The following ANKRD60 variants were observed in gnomAD, a reference collection of about 807,000 sequenced individuals.
ANKRD60 encodes ankyrin repeat domain-containing protein 60.
Under a neutral mutation model 21.3 loss-of-function variants are expected in ANKRD60, and 24 were observed. That is an observed-to-expected ratio of 1.13 (90% CI 0.82 to 1.59). The LOEUF is 1.59. Among genes scored for constraint, ANKRD60 ranks in the 40% most tolerant of loss-of-function variants. The pLI is 0.00. For synonymous variants in ANKRD60, 182 were observed against 199.4 expected, an observed-to-expected ratio of 0.91 and a Z score of 0.74; for missense variants, 490 against 466.7, an observed-to-expected ratio of 1.05 and a Z score of -0.46.
Position 58,228,357 on chromosome 20 carries a change from C to T in ANKRD60, c.297G>A (p.Arg99=), listed in dbSNP as rs1328522920. 8 of 1,550,472 alleles carry T rather than the reference C, an allele frequency of 5.2e-6. No homozygotes were observed. Among genetic ancestry groups the T allele is most frequent in the Non-Finnish European group, 6.1e-6 (7 of 1,146,940 alleles). Residue 99 remains arginine (R), a synonymous_variant, in exon 1 of 4, where the codon CGG becomes CGA. Coordinates refer to ENST00000457363, the Ensembl canonical transcript of ANKRD60. This position sits in a 1 kb window ranked among gnomAD's most constrained non-coding sequence, Gnocchi z 5.3. ...GGAACATCTCCCCCGTCTCCTCCAG[C>T]CGCACCCGCAGGACGAAGACGTCAG...
chr20:58,218,838 C>T, intron 3 of ANKRD60, 33 bp from the exon 4 acceptor site: 2 of 1,502,768 alleles, frequency 1.3e-6, no homozygotes, highest in South Asian at 1.3e-5. Context: ...AGAAGGAAGA[C>T]ATGCGGAGGG....
intron 3 of ANKRD60, among the ~76,000 whole-genome samples, 182 bp downstream of exon 3, chr20:58,221,156 C>T (rs1038117382): frequency 3.9e-5 from 6 of 152,118 alleles, no homozygotes; most frequent in African/African-American, 9.7e-5. Flanking sequence ...CTCTGACTGG[C>T]GTGCCCTAAG....
At chr20:58,220,191 T>C (rs1984217631) in intron 3 of ANKRD60, among the ~76,000 whole-genome samples, 1 of 152,210 alleles carries the variant, frequency 6.6e-6, no homozygotes, top group East Asian at 1.9e-4. Context: ...AGGCCCCTCC[T>C]GAGCCCAAAC....
At chr20:58,217,718 G>A (rs982148846), downstream of ANKRD60, among the ~76,000 whole-genome samples, 12 of 152,120 alleles carry the variant, frequency 7.9e-5, no homozygotes, top group Non-Finnish European at 1.5e-4. Context: ...GACACTCCAA[G>A]GTGGTTTGCT....
exon 4 of ANKRD60, chr20:58,218,777 C>T: frequency 6.5e-7 from 1 of 1,543,916 alleles, no homozygotes; most frequent in Non-Finnish European, 8.8e-7. Context: ...GTGTCCTGCC[C>T]AGGGGGGATC....
At chr20:58,217,198 A>AT (rs1984154059), downstream of ANKRD60, among the ~76,000 whole-genome samples, 1 of 152,144 alleles carries the variant, frequency 6.6e-6, no homozygotes, top group Non-Finnish European at 1.5e-5. Context: ...TGGGAGGCCG[A>AT]GGGGGGCAGA....
At chr20:58,224,508 C>T (rs1662551176) in intron 1 of ANKRD60, among the ~76,000 whole-genome samples, 1 of 152,194 alleles carries the variant, frequency 6.6e-6, no homozygotes, top group African/African-American at 2.4e-5. Flanking sequence ...GAACAGCCAC[C>T]CCAGTGCTGG....
chr20:58,221,377 T>C (rs1464028868), exon 3 of ANKRD60: 14 of 1,551,926 alleles, frequency 9.0e-6, no homozygotes, highest in African/African-American at 2.7e-5. Flanking sequence ...AAGTGGCCTC[T>C]GTGTGAGGCC....
At chr20:58,218,464 A>G (rs1327233942), downstream of ANKRD60, 2 of 1,530,680 alleles carry the variant, frequency 1.3e-6, no homozygotes, top group Admixed American at 2.0e-5. Flanking sequence ...TGCCCAAACC[A>G]GCCTCAGCGG....
chr20:58,224,370 A>C (rs1984325261), intron 1 of ANKRD60, among the ~76,000 whole-genome samples: 1 of 152,214 alleles, frequency 6.6e-6, no homozygotes, highest in Non-Finnish European at 1.5e-5. Context: ...GTGCTTATGT[A>C]CTAGGTACTT....
At chr20:58,218,255 A>C (rs1268871211), downstream of ANKRD60, among the ~76,000 whole-genome samples, 1 of 152,254 alleles carries the variant, frequency 6.6e-6, no homozygotes, top group African/African-American at 2.4e-5. Context: ...CAAATAGCTT[A>C]AAATTAAAGG....
intron 2 of ANKRD60, among the ~76,000 whole-genome samples, chr20:58,222,375 C>T (rs1262364192): frequency 4.6e-5 from 7 of 152,194 alleles, no homozygotes; most frequent in Non-Finnish European, 8.8e-5. Flanking sequence ...CAATCCCAGC[C>T]CCTGCTACAC....
At chr20:58,217,198 A>AG (rs559396035), downstream of ANKRD60, among the ~76,000 whole-genome samples, 660 of 152,260 alleles carry the variant, frequency 4.3e-3, 6 homozygotes, top group African/African-American at 0.014. Context: ...TGGGAGGCCG[A>AG]GGGGGGCAGA....
At chr20:58,217,032 T>C (rs984981221), downstream of ANKRD60, among the ~76,000 whole-genome samples, 3 of 152,044 alleles carry the variant, frequency 2.0e-5, no homozygotes, top group Non-Finnish European at 4.4e-5. Flanking sequence ...ATGAAATGAA[T>C]TAGAGTTTGA....
downstream of ANKRD60, among the ~76,000 whole-genome samples, chr20:58,216,711 ACAG>A (rs1250752402): frequency 6.6e-6 from 1 of 152,230 alleles, no homozygotes; most frequent in African/African-American, 2.4e-5. Flanking sequence ...ACTTGCTATG[ACAG>A]CAGGAAATGC....
intron 3 of ANKRD60, among the ~76,000 whole-genome samples, chr20:58,220,398 G>A (rs947448009): frequency 6.6e-6 from 1 of 152,064 alleles, no homozygotes; most frequent in Non-Finnish European, 1.5e-5. Context: ...ATCCAGGGAG[G>A]ATAGAGTGTA....
chr20:58,216,511 C>A (rs913364728), downstream of ANKRD60, among the ~76,000 whole-genome samples: 1 of 152,216 alleles, frequency 6.6e-6, no homozygotes, highest in Non-Finnish European at 1.5e-5. Flanking sequence ...AAATGGATTG[C>A]CCCATTGGGT....
intron 3 of ANKRD60, among the ~76,000 whole-genome samples, chr20:58,220,683 AGTGTGTGT>A (rs36015489): frequency 3.3e-3 from 493 of 148,498 alleles, no homozygotes; most frequent in African/African-American, 0.012. Flanking sequence ...GGTTTTTTCT[AGTGTGTGT>A]GTGTGTGTGT....
chr20:58,227,160 C>A (rs1256433396), intron 1 of ANKRD60, among the ~76,000 whole-genome samples: 1 of 151,996 alleles, frequency 6.6e-6, no homozygotes, highest in Non-Finnish European at 1.5e-5. Context: ...ATTAGTCTGG[C>A]AATTTGGGAT....
Sources: allele counts gnomAD v4.1 joint callset (sites outside exome capture counted in the v4.1 genomes callset), GRCh38; gene constraint gnomAD v4.1.1; non-coding constraint Gnocchi (gnomAD v3.1); transcripts MANE v1.5; gene names NCBI Gene and HGNC (gene_info 2026-07-23, HGNC 2026-07-21).